The following NCEH1 variants were observed in gnomAD, a reference collection of about 807,000 sequenced individuals.
NCEH1 encodes 2-acetyl MAGE hydrolase.
Under a neutral mutation model 25.4 loss-of-function variants are expected in NCEH1, and 9 were observed. The ratio of observed to expected loss-of-function variants is 0.35; its 90% CI spans 0.21 to 0.62. The LOEUF (loss-of-function observed/expected upper bound fraction) is 0.62. Among genes scored for constraint, NCEH1 ranks in the 20% least tolerant of loss-of-function variants. NCEH1 has a pLI of 0.72. For synonymous variants in NCEH1, 200 were observed against 199.8 expected (o/e 1.00, Z -0.01); for missense variants, 412 against 501.1 (o/e 0.82, Z 1.70).
intron 1 of NCEH1, among the ~76,000 whole-genome samples, chr3:172,682,740 G>C (rs762598169): frequency 1.3e-5 from 2 of 152,200 alleles, no homozygotes; most frequent in African/African-American, 2.4e-5. Context: ...CAAACAAAAT[G>C]TGTAAGTATG....
At chr3:172,667,245 C>T (rs1718257248) in intron 1 of NCEH1, among the ~76,000 whole-genome samples, 1 of 152,230 alleles carries the variant, frequency 6.6e-6, no homozygotes, top group South Asian at 2.1e-4. Context: ...GGCACCTACT[C>T]TGTCTCCAAG....
chr3:172,691,436 T>C (rs542223381), intron 1 of NCEH1, among the ~76,000 whole-genome samples: 23 of 8,664 alleles, frequency 2.7e-3, no homozygotes, highest in African/African-American at 0.023. Context: ...ATTGTGAATA[T>C]GAGTGACTTT....
rs1295128433 is a variant in NCEH1 at position 172,658,839 on chromosome 3, ACTT to A, written c.139-10728_139-10726del. Among the ~76,000 whole-genome samples, 917 of 127,022 alleles carry A rather than the reference ACTT, an allele frequency of 7.2e-3. 15 individuals are homozygous for A. The highest frequency in any genetic ancestry group is 0.026 in the African/African-American group (861 of 32,936). 83.3% of individuals were successfully genotyped at this position (127,022 alleles called of 152,430 possible). A position where few individuals can be genotyped will look rare whatever the true frequency, so the allele number is the denominator to read the frequency against. On this transcript the variant is annotated intron_variant, in intron 1 of 4. Coordinates refer to ENST00000475381, the MANE Select transcript of NCEH1 (RefSeq NM_020792.6). ...AAGGTTGTCTCTTTCCAATTCCAAA[ACTT>A]TTTTTTTTTTTTTTTTTTTTTTTTT...
intron 1 of NCEH1, among the ~76,000 whole-genome samples, chr3:172,671,538 T>C (rs1253276399): frequency 5.2e-5 from 6 of 114,398 alleles, no homozygotes; most frequent in African/African-American, 1.9e-4. Flanking sequence ...CATATATAGA[T>C]ATATATACAA....
chr3:172,631,791 T>C lies in NCEH1; in HGVS notation c.*1684A>G, dbSNP rs1716366785. On this transcript the variant is annotated 3_prime_UTR_variant, in exon 5 of 5. Coordinates refer to ENST00000475381, the MANE Select transcript of NCEH1 (RefSeq NM_020792.6). ...GGGAAATACCCCATCTTCCCAGGAG[T>C]GAAATGGTTCTACTTTCTCTCCGTG... 1 of 152,450 alleles carries C rather than the reference T, an allele frequency of 6.6e-6. No individual in the cohort carries two copies. Among genetic ancestry groups the C allele is most frequent in the South Asian group, 2.1e-4 (1 of 4,818 alleles). The allele number at this position is 152,450 out of a possible 1,614,324, so 9.4% of individuals were successfully genotyped here.
intron 1 of NCEH1, among the ~76,000 whole-genome samples, chr3:172,689,014 CTTTTG>C (rs1272943885): frequency 5.3e-5 from 8 of 152,164 alleles, no homozygotes; most frequent in African/African-American, 7.2e-5. Flanking sequence ...ACTGACTAAA[CTTTTG>C]TTTTGTTCTA....
At chr3:172,687,129 A>G (rs1256070681) in intron 1 of NCEH1, among the ~76,000 whole-genome samples, 2 of 152,196 alleles carry the variant, frequency 1.3e-5, no homozygotes, top group Non-Finnish European at 2.9e-5. Context: ...CCAACCAAAT[A>G]GGCCTACTTC....
At chr3:172,697,662 C>G (rs940505852) in intron 1 of NCEH1, among the ~76,000 whole-genome samples, 1 of 151,844 alleles carries the variant, frequency 6.6e-6, no homozygotes, top group African/African-American at 2.4e-5. Flanking sequence ...AAGAGCTGAG[C>G]GTGGAGGGAG....
intron 1 of NCEH1, among the ~76,000 whole-genome samples, chr3:172,659,475 G>A (rs548853073): frequency 1.3e-5 from 2 of 152,284 alleles, no homozygotes; most frequent in East Asian, 3.9e-4. Context: ...ATAAATGCCT[G>A]TAGCACCAGC....
intron 3 of NCEH1, among the ~76,000 whole-genome samples, chr3:172,641,623 G>T (rs1716857781): frequency 6.6e-6 from 1 of 152,216 alleles, no homozygotes; most frequent in African/African-American, 2.4e-5. Context: ...CTAGAAGGCG[G>T]AGCTCCAGAA....
At chr3:172,660,092 C>A (rs1166176398) in intron 1 of NCEH1, among the ~76,000 whole-genome samples, 1 of 151,642 alleles carries the variant, frequency 6.6e-6, no homozygotes, top group Non-Finnish European at 1.5e-5. Flanking sequence ...ATTAACTCGA[C>A]ATTTACATTA....
At chr3:172,639,937 G>T (rs1424618920) in intron 3 of NCEH1, among the ~76,000 whole-genome samples, 1 of 152,224 alleles carries the variant, frequency 6.6e-6, no homozygotes, top group Non-Finnish European at 1.5e-5. Flanking sequence ...AGGAAAATGT[G>T]TAACTTGTCT....
intron 1 of NCEH1, among the ~76,000 whole-genome samples, chr3:172,689,344 C>T (rs1283798103): frequency 6.7e-6 from 1 of 149,940 alleles, no homozygotes; most frequent in African/African-American, 2.5e-5. Context: ...CCGCAACCTC[C>T]GCCTCCCGGG....
At chr3:172,659,898 G>A (rs1717888388) in intron 1 of NCEH1, among the ~76,000 whole-genome samples, 1 of 151,892 alleles carries the variant, frequency 6.6e-6, no homozygotes, top group Admixed American at 6.6e-5. Flanking sequence ...AATAATACAG[G>A]AGTTATTAAA....
At chr3:172,703,554 TATGCTATTTTAAA>T (rs757023209) in intron 1 of NCEH1, among the ~76,000 whole-genome samples, 3 of 133,554 alleles carry the variant, frequency 2.2e-5, no homozygotes, top group East Asian at 4.1e-4. Flanking sequence ...AAAGTAAATA[TATGCTATTTTAAA>T]ATGCTATTTT....
At chr3:172,659,647 AT>A (rs1717875383) in intron 1 of NCEH1, among the ~76,000 whole-genome samples, 1 of 152,150 alleles carries the variant, frequency 6.6e-6, no homozygotes, top group African/African-American at 2.4e-5. Flanking sequence ...ACATAAGTAC[AT>A]TTATTCTCAA....
At chr3:172,708,294 T>G (rs1714115958) in intron 1 of NCEH1, among the ~76,000 whole-genome samples, 2 of 152,264 alleles carry the variant, frequency 1.3e-5, no homozygotes, top group Admixed American at 1.3e-4. Flanking sequence ...GCTTTTGTAG[T>G]TGAGCCAATC....
intron 1 of NCEH1, among the ~76,000 whole-genome samples, chr3:172,702,556 C>A (rs1478825714): frequency 1.3e-5 from 2 of 152,172 alleles, no homozygotes; most frequent in African/African-American, 4.8e-5. Flanking sequence ...TTTGCCAGAC[C>A]AGCTCCTTAA....
chr3:172,635,193 C>A (rs767947045), intron 4 of NCEH1, among the ~76,000 whole-genome samples: 1 of 152,082 alleles, frequency 6.6e-6, no homozygotes, highest in South Asian at 2.1e-4. Flanking sequence ...CTTGCCAATG[C>A]CAAATGGAAA....
Sources: allele counts gnomAD v4.1 joint callset (sites outside exome capture counted in the v4.1 genomes callset), GRCh38; gene constraint gnomAD v4.1.1; transcripts MANE v1.5; gene names NCBI Gene and HGNC (gene_info 2026-07-23, HGNC 2026-07-21).